Variants in CCNL2 observed in about 807,000 individuals in gnomAD.
CCNL2 encodes cyclin-L2.
A neutral mutation model predicts 59.1 loss-of-function variants in CCNL2; 28 were observed. The ratio of observed to expected loss-of-function variants is 0.47; its 90% CI spans 0.35 to 0.65. CCNL2 has a LOEUF of 0.65. Ranked by LOEUF, CCNL2 falls within the 30% of genes least tolerant of loss-of-function variation. CCNL2 has a pLI of 0.00. For synonymous variants in CCNL2, 342 were observed against 288.6 expected (o/e 1.19, Z -1.88); for missense variants, 714 against 717.4 (o/e 1.00, Z 0.05).
chr1:1,390,573 C>G lies in CCNL2; in HGVS notation c.760-10G>C. The G allele has an allele frequency of 6.3e-7, 1 of 1,599,576 alleles. No homozygotes were observed. Among genetic ancestry groups the G allele is most frequent in the East Asian group, 2.2e-5 (1 of 44,814 alleles). On this transcript the variant is annotated splice_polypyrimidine_tract_variant and intron_variant, in intron 6 of 10. Coordinates refer to ENST00000400809, the MANE Select transcript of CCNL2 (RefSeq NM_030937.6). ...GATTGGGCAAAGGGATCTGTAAAAA[C>G]AAACACTATCATCATTACACTTTCC...
intron 3 of CCNL2, among the ~76,000 whole-genome samples, chr1:1,397,528 G>A (rs1645106432): frequency 6.6e-6 from 1 of 152,132 alleles, no homozygotes; most frequent in African/African-American, 2.4e-5. Flanking sequence ...GACCAGGGAT[G>A]TTGCTGAATC....
intron 4 of CCNL2, among the ~76,000 whole-genome samples, chr1:1,394,980 C>T (rs1644940428): frequency 6.6e-6 from 1 of 152,036 alleles, no homozygotes; most frequent in Admixed American, 6.6e-5. Context: ...TGGCTTGAAG[C>T]CGGGAGGTGG....
At chr1:1,395,826 G>C (rs750517199) in intron 3 of CCNL2, among the ~76,000 whole-genome samples, 1 of 152,144 alleles carries the variant, frequency 6.6e-6, no homozygotes, top group Non-Finnish European at 1.5e-5. Context: ...TGTGACTCAC[G>C]ATAGGAAGGT....
intron 4 of CCNL2, among the ~76,000 whole-genome samples, chr1:1,394,397 GA>G (rs1391258810): frequency 1.3e-5 from 2 of 152,156 alleles, no homozygotes; most frequent in African/African-American, 4.8e-5. Context: ...AAAGGGGCCA[GA>G]ATTCCCCTAA....
rs909076651 is a variant in CCNL2 at position 1,396,819 on chromosome 1, G to A, written c.474-1305C>T. Among the ~76,000 whole-genome samples, 59 of 151,268 alleles carry A rather than the reference G, an allele frequency of 3.9e-4. 1 individual carries two copies. The highest frequency in any genetic ancestry group is 1.4e-3 in the African/African-American group (56 of 41,126). On this transcript the variant is annotated intron_variant, in intron 3 of 10. Transcript: ENST00000400809. The stretch of plus-strand genomic sequence containing the variant: ...GCTGGAGTGCAGTGGCCCGATCTCA[G>A]CTCACTGCAAGCTCCACCTCCCGGG...
At chr1:1,390,172 G>GA in intron 8 of CCNL2, 58 bp downstream of exon 8, 3 of 1,513,892 alleles carry the variant, frequency 2.0e-6, no homozygotes, top group South Asian at 1.2e-5. Flanking sequence ...GGAGGCGGGG[G>GA]AGAGTCACCA....
At chr1:1,398,707 A>G (rs762742035) in intron 1 of CCNL2, 36 bp from the exon 2 acceptor site, 1 of 1,586,432 alleles carries the variant, frequency 6.3e-7, no homozygotes, top group African/African-American at 1.3e-5. Context: ...TTTCAAACGC[A>G]CCATTCAAAG....
At chr1:1,394,864 C>T (rs1176012693) in intron 4 of CCNL2, among the ~76,000 whole-genome samples, 1 of 151,588 alleles carries the variant, frequency 6.6e-6, no homozygotes, top group Non-Finnish European at 1.5e-5. Context: ...GAAGACCATT[C>T]TGGCCAACAT....
chr1:1,395,234 C>T (rs1441612866), intron 4 of CCNL2, 160 bp downstream of exon 4: 11 of 658,992 alleles, frequency 1.7e-5, no homozygotes, highest in Admixed American at 3.1e-5. Flanking sequence ...AAGACGAATA[C>T]GTCAGGAACT....
chr1:1,398,993 C>T (rs1570038534), intron 1 of CCNL2, 26 bp downstream of exon 1: 1 of 1,573,692 alleles, frequency 6.4e-7, no homozygotes. Context: ...GTTACCTGGG[C>T]CGGAGGCTCG....
chr1:1,398,385 C>T (rs1557738281), intron 2 of CCNL2, 43 bp from the exon 3 acceptor site: 1 of 1,612,706 alleles, frequency 6.2e-7, no homozygotes, highest in Middle Eastern at 1.7e-4. Flanking sequence ...TGTCCCCAGC[C>T]ACGGCGTCCT....
chr1:1,398,271 G>A lies in CCNL2; in HGVS notation c.435C>T (p.Ile145=). ...EEAPRRIRDV[I]NVFHRLRQLR... is the part of the protein sequence containing the mutation. ...GCTGTCGAAGGCGGTGAAACACATT[G>A]ATGACGTCCCGTATGCGTCTTGGGG... Residue 145 remains isoleucine (I), a synonymous_variant, in exon 3 of 11, where the codon ATC becomes ATT. Coordinates refer to ENST00000400809, the MANE Select transcript of CCNL2 (RefSeq NM_030937.6). The A allele has an allele frequency of 3.1e-6, 5 of 1,614,226 alleles. No individual in the cohort carries two copies. Among genetic ancestry groups the A allele is most frequent in the Non-Finnish European group, 4.2e-6 (5 of 1,180,044 alleles).
At chr1:1,397,654 G>A (rs1645114975) in intron 3 of CCNL2, among the ~76,000 whole-genome samples, 1 of 152,094 alleles carries the variant, frequency 6.6e-6, no homozygotes, top group Non-Finnish European at 1.5e-5. Flanking sequence ...TGGAGCCCAG[G>A]AATTTGAGAC....
intron 5 of CCNL2, chr1:1,392,566 A>G: frequency 1.4e-6 from 2 of 1,403,332 alleles, no homozygotes; most frequent in Non-Finnish European, 1.8e-6. Context: ...TCAAGTCAAG[A>G]CAGTTACCAA....
chr1:1,387,334 C>T lies in CCNL2; in HGVS notation c.1460G>A (p.Ser487Asn), dbSNP rs971477940. 3 of 1,614,034 alleles carry T rather than the reference C, an allele frequency of 1.9e-6. No homozygotes were observed. Among genetic ancestry groups the T allele is most frequent in the African/African-American group, 2.7e-5 (2 of 74,944 alleles). ...ADNPGKYKKK[S>N]HYYRDQRRER... ...TCGTCGCTGATCTCTGTAGTAATGACTTTTCTTCTTGTATTTTCCCGGATT... is the reference window on the plus strand; with the variant it reads ...TCGTCGCTGATCTCTGTAGTAATGATTTTTCTTCTTGTATTTTCCCGGATT... Residue 487 changes from serine (S) to asparagine (N), a missense_variant, in exon 11 of 11, where the codon AGT becomes AAT. By Grantham distance (46) the Ser-to-Asn change is conservative. This residue lies in a region of CCNL2 where 403 missense variants were observed against 377.7 expected (regional missense o/e 1.07). Coordinates refer to ENST00000400809, the MANE Select transcript of CCNL2 (RefSeq NM_030937.6).
Position 1,387,813 on chromosome 1 carries a change from G to A in CCNL2, c.1175C>T (p.Ser392Leu), listed in dbSNP as rs1199091671. 11 of 1,613,034 alleles carry A rather than the reference G, an allele frequency of 6.8e-6. No individual in the cohort carries two copies. Among genetic ancestry groups the A allele is most frequent in the East Asian group, 2.2e-5 (1 of 44,842 alleles). Residue 392 changes from serine to leucine, a missense_variant, in exon 10 of 11, where the codon TCG becomes TTG. Ser to Leu is a moderately radical substitution (Grantham distance 145). Coordinates refer to ENST00000400809, the MANE Select transcript of CCNL2 (RefSeq NM_030937.6). ...SRSRSREQSY[S>L]RSPSRSASPK... ...AGACGCTGATCGGGATGGGGACCTC[G>A]AGTAGCTCTGCTCACGGCTCCGGCT... is the stretch of plus-strand genomic sequence containing the variant.
At chr1:1,392,770 G>A in intron 5 of CCNL2, 1 of 1,611,636 alleles carries the variant, frequency 6.2e-7, no homozygotes, top group Non-Finnish European at 8.5e-7. Context: ...GACAGCAGAG[G>A]AGAAGTCTTA....
chr1:1,398,838 C>A, intron 1 of CCNL2, 167 bp from the exon 2 acceptor site: 1 of 1,260,366 alleles, frequency 7.9e-7, no homozygotes, highest in Non-Finnish European at 1.1e-6. Context: ...AGCGCACTGG[C>A]GGGCGGGGAG....
Position 1,385,939 on chromosome 1 carries a change from T to C in CCNL2, c.*1292A>G, listed in dbSNP as rs1271283188. The C allele has an allele frequency of 1.3e-5, 2 of 151,856 alleles. No homozygotes were observed. The highest frequency in any genetic ancestry group is 4.8e-5 in the African/African-American group (2 of 41,334). 9.4% of individuals were successfully genotyped at this position (151,856 alleles called of 1,614,324 possible). A position where few individuals can be genotyped will look rare whatever the true frequency, so the allele number is the denominator to read the frequency against. On this transcript the variant is annotated 3_prime_UTR_variant, in exon 11 of 11. Coordinates refer to ENST00000400809, the MANE Select transcript of CCNL2 (RefSeq NM_030937.6). Reference sequence around the variant, plus strand: ...TTCTGAGGGGGGGTCCCACCAGCTATCTAATGCAGGATTCCATCAAAAAAG... The same window carrying C: ...TTCTGAGGGGGGGTCCCACCAGCTACCTAATGCAGGATTCCATCAAAAAAG...
Sources: gnomAD v4.1 joint callset for allele counts (sites outside exome capture counted in the v4.1 genomes callset) on GRCh38, gnomAD v4.1.1 for gene constraint, gnomAD v4.1.1 regional missense constraint, MANE v1.5 for transcripts, NCBI Gene and HGNC (gene_info 2026-07-23, HGNC 2026-07-21) for gene names.